The following ULK4 variants were observed in gnomAD, a reference collection of about 807,000 sequenced individuals.
The protein encoded by ULK4 is inactive serine/threonine-protein kinase ULK4.
ULK4 carries 133 observed loss-of-function variants against 160.6 expected under a neutral mutation model. The observed-to-expected ratio is 0.83, with a 90% CI of 0.72 to 0.96. The LOEUF (loss-of-function observed/expected upper bound fraction) is 0.96. Ranked by LOEUF, ULK4 falls within the 40% of genes least tolerant of loss-of-function variation. The probability of loss-of-function intolerance (pLI) is 0.00; values close to 1 mark genes in which losing one functional copy is unlikely to be tolerated. For missense variants in ULK4, 1,580 were observed against 1,499.5 expected, an observed-to-expected ratio of 1.05 and a Z score of -0.89; for synonymous variants, 534 against 539.8, an observed-to-expected ratio of 0.99 and a Z score of 0.15.
intron 22 of ULK4, among the ~76,000 whole-genome samples, chr3:41,727,105 A>C (rs957623272): frequency 5.3e-5 from 8 of 152,130 alleles, no homozygotes; most frequent in Non-Finnish European, 1.5e-5. Flanking sequence ...TCCTATGCGC[A>C]TTGCACACAC....
intron 32 of ULK4, among the ~76,000 whole-genome samples, chr3:41,522,778 T>G (rs2085977516): frequency 6.6e-6 from 1 of 152,172 alleles, no homozygotes; most frequent in Non-Finnish European, 1.5e-5. Flanking sequence ...TGCCAGTGAT[T>G]TTCATTGTGT....
At chr3:41,610,453 C>A (rs1298117382) in intron 31 of ULK4, among the ~76,000 whole-genome samples, 1 of 152,020 alleles carries the variant, frequency 6.6e-6, no homozygotes, top group African/African-American at 2.4e-5. Flanking sequence ...CTCTAAGAAC[C>A]AATACATATT....
chr3:41,247,899 G>A (rs1430730282), intron 36 of ULK4, among the ~76,000 whole-genome samples: 1 of 152,214 alleles, frequency 6.6e-6, no homozygotes, highest in Non-Finnish European at 1.5e-5. Flanking sequence ...AACCCTTTCT[G>A]GTAAGGCAAT....
intron 19 of ULK4, among the ~76,000 whole-genome samples, chr3:41,811,902 GCTTT>G (rs2040828926): frequency 1.3e-5 from 2 of 152,102 alleles, no homozygotes; most frequent in Admixed American, 6.6e-5. Flanking sequence ...ATTTTCAGTA[GCTTT>G]CTATTTTAGA....
chr3:41,359,081 A>T (rs907610047), intron 35 of ULK4, among the ~76,000 whole-genome samples: 5 of 152,344 alleles, frequency 3.3e-5, no homozygotes, highest in Middle Eastern at 3.4e-3. Context: ...GCCTCTGCTC[A>T]GAGTTCACCC....
At chr3:41,362,110 T>C (rs2081158076) in intron 35 of ULK4, among the ~76,000 whole-genome samples, 5 of 152,176 alleles carry the variant, frequency 3.3e-5, no homozygotes, top group Admixed American at 3.3e-4. Flanking sequence ...TTCAGTTGTG[T>C]CAGACAGCAC....
chr3:41,448,035 A>T (rs2083343343), intron 34 of ULK4, among the ~76,000 whole-genome samples: 1 of 152,220 alleles, frequency 6.6e-6, no homozygotes, highest in South Asian at 2.1e-4. Flanking sequence ...TACCAGACTT[A>T]GTCTATGCTA....
intron 30 of ULK4, among the ~76,000 whole-genome samples, chr3:41,662,369 T>C (rs566331618): frequency 6.6e-6 from 1 of 152,250 alleles, no homozygotes; most frequent in African/African-American, 2.4e-5. Flanking sequence ...TGAGGGAAGG[T>C]AATAGGCTCG....
chr3:41,436,910 C>T (rs1032761684), intron 34 of ULK4, among the ~76,000 whole-genome samples: 2 of 152,150 alleles, frequency 1.3e-5, no homozygotes, highest in African/African-American at 2.4e-5. Flanking sequence ...AAAGAAAATG[C>T]TATTCTTATC....
At position 41,615,789 on chromosome 3, in the gene ULK4, G is replaced by C. The variant is rs60343586; in HGVS notation, c.3072-72C>G. ...ATTTGCACTGATGGCCTGATATAAA[G>C]CACCTCAGCCCCCATGTTTTATTGC... is the stretch of plus-strand genomic sequence containing the variant. On this transcript the variant is annotated intron_variant, in intron 30 of 36. Coordinates refer to ENST00000301831, the MANE Select transcript of ULK4 (RefSeq NM_017886.4). 2.0e-3 allele frequency: 2,770 copies of C among 1,372,492 alleles called. 42 individuals carry two copies. The African/African-American group carries it at 0.036, about 18-fold the overall frequency. The allele number at this position is 1,372,492 out of a possible 1,614,324, so 85.0% of individuals were successfully genotyped here.
chr3:41,485,338 T>C (rs925041913), intron 32 of ULK4, among the ~76,000 whole-genome samples: 9 of 152,114 alleles, frequency 5.9e-5, no homozygotes, highest in Non-Finnish European at 1.0e-4. Context: ...AAAGGTGTGA[T>C]TGGGAACAGA....
intron 15 of ULK4, among the ~76,000 whole-genome samples, chr3:41,896,599 A>G (rs1192161178): frequency 6.6e-6 from 1 of 152,192 alleles, no homozygotes; most frequent in African/African-American, 2.4e-5. Flanking sequence ...CATAAAATGG[A>G]AACCTGAGTA....
At chr3:41,653,375 C>A (rs1322898273) in intron 30 of ULK4, among the ~76,000 whole-genome samples, 3 of 152,200 alleles carry the variant, frequency 2.0e-5, no homozygotes, top group Non-Finnish European at 4.4e-5. Context: ...TTCCTCTGCC[C>A]CCTGACTGGC....
intron 32 of ULK4, among the ~76,000 whole-genome samples, chr3:41,504,729 A>C (rs1260700678): frequency 6.6e-6 from 1 of 152,228 alleles, no homozygotes; most frequent in Non-Finnish European, 1.5e-5. Context: ...TATCCACATC[A>C]ATATATAGTT....
At chr3:41,863,529 C>T (rs1172321948) in intron 17 of ULK4, among the ~76,000 whole-genome samples, 2 of 150,870 alleles carry the variant, frequency 1.3e-5, no homozygotes, top group Non-Finnish European at 2.9e-5. Flanking sequence ...TTGCCCCATA[C>T]ACCACAACTA....
At chr3:41,600,810 A>G (rs959718517) in intron 31 of ULK4, among the ~76,000 whole-genome samples, 1 of 152,244 alleles carries the variant, frequency 6.6e-6, no homozygotes, top group Admixed American at 6.5e-5. Flanking sequence ...GCAATGAACC[A>G]GCTGACTGAA....
intron 9 of ULK4, 136 bp from the exon 10 acceptor site, chr3:41,911,795 T>TAAA (rs1409926165): frequency 3.0e-6 from 2 of 671,336 alleles, no homozygotes; most frequent in Admixed American, 2.6e-5. Context: ...CTTAACTTTA[T>TAAA]GCCTCCCTCA....
At chr3:41,372,791 T>C (rs968291842) in intron 35 of ULK4, among the ~76,000 whole-genome samples, 4 of 152,142 alleles carry the variant, frequency 2.6e-5, no homozygotes, top group Non-Finnish European at 5.9e-5. Context: ...CACATAAAAA[T>C]ATTAACCTTA....
chr3:41,357,886 A>T (rs1051420756), intron 35 of ULK4, among the ~76,000 whole-genome samples: 3 of 152,208 alleles, frequency 2.0e-5, no homozygotes, highest in Non-Finnish European at 2.9e-5. Flanking sequence ...TGTGCTGGGC[A>T]CTGCTCTAAT....
Sources: allele counts gnomAD v4.1 joint callset (sites outside exome capture counted in the v4.1 genomes callset), GRCh38; gene constraint gnomAD v4.1.1; transcripts MANE v1.5; gene names NCBI Gene and HGNC (gene_info 2026-07-23, HGNC 2026-07-21).